ADGRL2: variants seen among roughly 807,000 people sequenced by gnomAD.
ADGRL2 encodes the protein adhesion G protein-coupled receptor L2, also known as calcium-independent alpha-latrotoxin receptor 2.
In ADGRL2, 44 loss-of-function variants were observed where a neutral mutation model predicts 157.4. The ratio of observed to expected loss-of-function variants is 0.28; its 90% confidence interval spans 0.22 to 0.36. ADGRL2 has a LOEUF of 0.36. ADGRL2 is among the 10% of genes least tolerant of loss of function. The pLI, the probability that ADGRL2 is intolerant of heterozygous loss-of-function variation, is 1.00. For synonymous variants in ADGRL2, 585 were observed against 624.7 expected (o/e 0.94, Z 0.95); for missense variants, 1,510 against 1,768.9 (o/e 0.85, Z 2.63).
chr1:81,839,955 A>ATATATATAT (rs1164786609), intron 2 of ADGRL2, among the ~76,000 whole-genome samples: 1 of 110,066 alleles, frequency 9.1e-6, no homozygotes, highest in Non-Finnish European at 2.1e-5. Flanking sequence ...TATATATATA[A>ATATATATAT]ATACACACAA....
intron 2 of ADGRL2, among the ~76,000 whole-genome samples, chr1:81,882,809 C>T (rs1159841197): frequency 2.0e-5 from 3 of 152,152 alleles, no homozygotes; most frequent in Non-Finnish European, 4.4e-5. Context: ...CTTTTAACCT[C>T]TATTTGAACA....
upstream of ADGRL2, among the ~76,000 whole-genome samples, chr1:81,800,835 G>A (rs952799961): frequency 2.0e-5 from 3 of 149,784 alleles, no homozygotes; most frequent in African/African-American, 7.3e-5. Flanking sequence ...TGGAGGCAGA[G>A]CTCGGGGACC....
intron 6 of ADGRL2, among the ~76,000 whole-genome samples, chr1:81,945,612 A>T (rs562308215): frequency 2.0e-5 from 3 of 152,208 alleles, no homozygotes; most frequent in Non-Finnish European, 4.4e-5. Context: ...CTAGCAAATA[A>T]TTTGATCCAT....
At chr1:81,910,998 G>C (rs2094708006) in intron 3 of ADGRL2, among the ~76,000 whole-genome samples, 1 of 150,996 alleles carries the variant, frequency 6.6e-6, no homozygotes, top group Non-Finnish European at 1.5e-5. Context: ...TGTTTTCATT[G>C]TATTTTGCTC....
chr1:81,708,379 T>C (rs1378167607), intron 1 of ADGRL2, among the ~76,000 whole-genome samples: 3 of 152,206 alleles, frequency 2.0e-5, no homozygotes, highest in African/African-American at 7.2e-5. Flanking sequence ...TGTGCCTTTG[T>C]GTATTTTGAT....
intron 2 of ADGRL2, among the ~76,000 whole-genome samples, chr1:81,447,990 G>T (rs188326869): frequency 6.6e-5 from 10 of 151,804 alleles, no homozygotes; most frequent in Non-Finnish European, 1.5e-4. Flanking sequence ...TCCTGCTCCG[G>T]CCATGTAAGT....
chr1:81,368,889 A>G (rs140809578), intron 1 of ADGRL2, among the ~76,000 whole-genome samples: 2 of 152,230 alleles, frequency 1.3e-5, no homozygotes, highest in African/African-American at 4.8e-5. Context: ...CTTATTTGTC[A>G]TCCTTTTTTT....
intron 1 of ADGRL2, among the ~76,000 whole-genome samples, chr1:81,715,157 C>G (rs2084067238): frequency 7.0e-6 from 1 of 143,698 alleles, no homozygotes; most frequent in South Asian, 2.3e-4. Context: ...GATTTATTTT[C>G]TAGAGGAAGC....
chr1:81,708,015 T>C (rs1488992716), intron 1 of ADGRL2, among the ~76,000 whole-genome samples: 1 of 152,226 alleles, frequency 6.6e-6, no homozygotes, highest in East Asian at 1.9e-4. Context: ...AAGTAGCTAT[T>C]TTAAATGCCT....
chr1:81,876,448 C>A (rs2093843604), intron 2 of ADGRL2, among the ~76,000 whole-genome samples: 2 of 152,012 alleles, frequency 1.3e-5, no homozygotes, highest in South Asian at 4.2e-4. Flanking sequence ...AATATGTGAC[C>A]TTTTACACTC....
chr1:81,981,992 C>T lies in ADGRL2; in HGVS notation c.3282+16C>T. On this transcript the variant is annotated intron_variant, in intron 19 of 23. Coordinates refer to ENST00000686636, the MANE Select transcript of ADGRL2 (RefSeq NM_001366006.2). ...CCAAAAGAAAGTAAGTAATTGAAAA[C>T]ACCTAGGGGCTCAGGTTACTCATTC... 6.2e-7 allele frequency: 1 copy of T among 1,602,648 alleles called. No homozygotes were observed. Among genetic ancestry groups the T allele is most frequent in the African/African-American group, 1.3e-5 (1 of 74,478 alleles).
chr1:81,959,512 A>G (rs9438720), intron 11 of ADGRL2, among the ~76,000 whole-genome samples: 18 of 151,824 alleles, frequency 1.2e-4, no homozygotes, highest in Non-Finnish European at 2.6e-4. Flanking sequence ...TTAAAAATTC[A>G]CCTTACTGAG....
chr1:81,660,528 C>T (rs950944797), intron 3 of ADGRL2, among the ~76,000 whole-genome samples: 1 of 152,124 alleles, frequency 6.6e-6, no homozygotes, highest in Non-Finnish European at 1.5e-5. Context: ...GAGCCACATC[C>T]ACATTCAATC....
At chr1:81,527,133 A>C (rs779808987) in intron 2 of ADGRL2, among the ~76,000 whole-genome samples, 4 of 152,260 alleles carry the variant, frequency 2.6e-5, no homozygotes, top group Non-Finnish European at 5.9e-5. Context: ...TTAATCTGTT[A>C]GGTACTATTA....
chr1:81,939,712 A>G (rs1647220129), intron 4 of ADGRL2, among the ~76,000 whole-genome samples: 1 of 151,450 alleles, frequency 6.6e-6, no homozygotes, highest in Non-Finnish European at 1.5e-5. Context: ...GGCTCTTAAG[A>G]CAAGTTGTAG....
intron 1 of ADGRL2, among the ~76,000 whole-genome samples, chr1:81,443,792 A>C (rs2077551604): frequency 6.6e-6 from 1 of 152,194 alleles, no homozygotes; most frequent in African/African-American, 2.4e-5. Context: ...TTTTTATTAG[A>C]ATAGAAATGC....
chr1:81,361,616 G>C (rs1375506419), intron 1 of ADGRL2, among the ~76,000 whole-genome samples: 1 of 151,860 alleles, frequency 6.6e-6, no homozygotes, highest in African/African-American at 2.4e-5. Flanking sequence ...TGTTAATTTT[G>C]AATTTCTTGC....
chr1:81,642,212 C>T (rs1021579460), intron 3 of ADGRL2, among the ~76,000 whole-genome samples: 7 of 145,282 alleles, frequency 4.8e-5, no homozygotes, highest in African/African-American at 1.8e-4. Context: ...TGTACCACTG[C>T]ACTCCAGCCT....
intron 6 of ADGRL2, among the ~76,000 whole-genome samples, chr1:81,947,919 G>A (rs1392915616): frequency 6.6e-6 from 1 of 152,028 alleles, no homozygotes; most frequent in East Asian, 1.9e-4. Flanking sequence ...CTATTTTGGT[G>A]ATCAAAAGGT....
Sources: gnomAD v4.1 joint callset for allele counts (sites outside exome capture counted in the v4.1 genomes callset) on GRCh38, gnomAD v4.1.1 for gene constraint, MANE v1.5 for transcripts, NCBI Gene and HGNC (gene_info 2026-07-23, HGNC 2026-07-21) for gene names.